TMEM120B: variants seen among roughly 807,000 people sequenced by gnomAD.
TMEM120B encodes transmembrane protein 120B.
TMEM120B carries 31 observed loss-of-function variants against 55.5 expected under a neutral mutation model. That is an observed-to-expected ratio of 0.56 (90% confidence interval 0.42 to 0.75). TMEM120B has a LOEUF of 0.75. Among genes scored for constraint, TMEM120B ranks in the 30% least tolerant of loss-of-function variants. The probability of loss-of-function intolerance (pLI) is 0.00; values close to 1 mark genes in which losing one functional copy is unlikely to be tolerated. For missense variants in TMEM120B, 399 were observed against 425.5 expected, an observed-to-expected ratio of 0.94 and a Z score of 0.55; for synonymous variants, 203 against 176.3, an observed-to-expected ratio of 1.15 and a Z score of -1.20.
In TMEM120B at chr12:121,712,791, G is replaced by C. The variant is rs1028536549; in HGVS notation, c.-105G>C. 2.7e-6 allele frequency: 2 copies of C among 747,338 alleles called. No individual in the cohort carries two copies. The highest frequency in any genetic ancestry group is 3.7e-6 in the Non-Finnish European group (2 of 541,774). The allele number at this position is 747,338 out of a possible 1,614,324, so 46.3% of individuals were successfully genotyped here. ...CTCTGGCTGCGCAGGAACAGCTGGTGCCTCCGAGGGCGGTCGGCGAGCGCG... is the reference window on the plus strand; with the variant it reads ...CTCTGGCTGCGCAGGAACAGCTGGTCCCTCCGAGGGCGGTCGGCGAGCGCG... On this transcript the variant is annotated 5_prime_UTR_variant, in exon 1 of 12. Transcript: ENST00000449592.
chr12:121,717,572 G>C (rs1180100051), intron 1 of TMEM120B, among the ~76,000 whole-genome samples: 1 of 152,166 alleles, frequency 6.6e-6, no homozygotes, highest in Non-Finnish European at 1.5e-5. Flanking sequence ...CAGTGTCTGT[G>C]CTCTTAACTA....
chr12:121,772,220 C>T (rs975520902), intron 8 of TMEM120B, among the ~76,000 whole-genome samples: 34 of 151,754 alleles, frequency 2.2e-4, no homozygotes, highest in African/African-American at 8.2e-4. Context: ...CCTCCGCCTC[C>T]TGGGTTCAAA....
intron 8 of TMEM120B, among the ~76,000 whole-genome samples, chr12:121,772,603 T>G (rs1313196122): frequency 6.6e-6 from 1 of 152,116 alleles, no homozygotes; most frequent in East Asian, 1.9e-4. Context: ...TTTTGTATTT[T>G]GGTAGAGATG....
intron 1 of TMEM120B, among the ~76,000 whole-genome samples, chr12:121,720,163 G>C (rs182434106): frequency 6.6e-6 from 1 of 152,244 alleles, no homozygotes; most frequent in East Asian, 1.9e-4. Context: ...GCAACTTGAT[G>C]GCAGCATCAA....
Position 121,775,385 on chromosome 12 carries a change from A to G in TMEM120B, c.907-224A>G. ...AAGGGCTAGGGGTGGAGCCTCTCCC[A>G]ATCTGTGGATCCCAAGGAGGTTCGC... On this transcript the variant is annotated intron_variant, in intron 11 of 11. Coordinates refer to ENST00000449592, the MANE Select transcript of TMEM120B (RefSeq NM_001080825.2). This position sits in a 1 kb window ranked among gnomAD's most constrained non-coding sequence, Gnocchi z 4.3. The G allele has an allele frequency of 1.0e-6, 1 of 971,942 alleles. No individual in the cohort carries two copies. 60.2% of individuals were successfully genotyped at this position (971,942 alleles called of 1,614,324 possible). A position where few individuals can be genotyped will look rare whatever the true frequency, so the allele number is the denominator to read the frequency against.
At chr12:121,724,480 A>G (rs1401428376) in intron 1 of TMEM120B, among the ~76,000 whole-genome samples, 2 of 149,514 alleles carry the variant, frequency 1.3e-5, no homozygotes, top group East Asian at 2.0e-4. Flanking sequence ...ACCTGGCTGT[A>G]CTATTTCTTA....
chr12:121,769,403 C>T (rs981372321), intron 6 of TMEM120B, among the ~76,000 whole-genome samples: 11 of 152,128 alleles, frequency 7.2e-5, no homozygotes, highest in African/African-American at 2.7e-4. Context: ...GTCATAGCTG[C>T]AGTCCTGTGT....
chr12:121,768,868 G>A (rs1248827726), intron 6 of TMEM120B, among the ~76,000 whole-genome samples: 2 of 152,176 alleles, frequency 1.3e-5, no homozygotes, highest in Non-Finnish European at 2.9e-5. Flanking sequence ...CAGCTGGGCC[G>A]GGTGCAGTGA....
Position 121,780,989 on chromosome 12 carries a change from C to T in TMEM120B, c.*5267C>T, listed in dbSNP as rs766057603. On this transcript the variant is annotated 3_prime_UTR_variant, in exon 12 of 12. Coordinates refer to ENST00000449592, the MANE Select transcript of TMEM120B (RefSeq NM_001080825.2). The stretch of plus-strand genomic sequence containing the variant: ...CCATGGGGATCCCGCGGCAGAAATG[C>T]GTGACCTCAGGGAACCACTGTGGAG... The T allele has an allele frequency of 1.5e-5, 24 of 1,613,600 alleles. 1 individual carries two copies. Among genetic ancestry groups the T allele is most frequent in the East Asian group, 1.3e-4 (6 of 44,878 alleles).
intron 1 of TMEM120B, among the ~76,000 whole-genome samples, chr12:121,722,840 T>A (rs950193596): frequency 7.6e-6 from 1 of 131,798 alleles, no homozygotes; most frequent in African/African-American, 2.7e-5. Flanking sequence ...GGCAGTTTTT[T>A]AAATTTACTT....
Position 121,762,510 on chromosome 12 carries a change from G to T in TMEM120B, c.551+772G>T, listed in dbSNP as rs571870404. 1.2e-4 allele frequency among the ~76,000 whole-genome samples: 18 copies of T among 152,308 alleles called. No individual in the cohort carries two copies. In the South Asian group the frequency reaches 3.5e-3, roughly 30 times the overall value. On this transcript the variant is annotated intron_variant, in intron 6 of 11. Coordinates refer to ENST00000449592, the MANE Select transcript of TMEM120B (RefSeq NM_001080825.2). The stretch of plus-strand genomic sequence containing the variant: ...TATGTCCAGGTGCAGAATGGATCAT[G>T]TACCTATCCCTGAACCAGTCACTGT...
chr12:121,773,436 T>G lies in TMEM120B; in HGVS notation c.695T>G (p.Leu232Arg). The change falls in exon 9 of 12, where the codon CTG becomes CGG. Residue 232 changes from leucine (L) to arginine (R), a missense_variant. By Grantham distance (102) the Leu-to-Arg change is moderately radical. Around this residue, in one of 3 missense-constraint regions of TMEM120B, gnomAD observed 260 missense variants for 303.9 expected, o/e 0.86. Coordinates refer to ENST00000449592, the MANE Select transcript of TMEM120B (RefSeq NM_001080825.2). ...CCCCCTGCAGGCTGCGTCCAGTTCC[T>G]GCAATATTATTACCAGAGGGGCTGC... Reference protein sequence around the residue: ...FSIFQSCVQFLQYYYQRGCLY... With the variant: ...FSIFQSCVQFRQYYYQRGCLY... 1 of 1,611,136 alleles carries G rather than the reference T, an allele frequency of 6.2e-7. No homozygotes were observed. The highest frequency in any genetic ancestry group is 8.5e-7 in the Non-Finnish European group (1 of 1,178,610).
chr12:121,750,977 A>AC (rs1555331709), intron 4 of TMEM120B, among the ~76,000 whole-genome samples: 3 of 6,574 alleles, frequency 4.6e-4, no homozygotes, highest in African/African-American at 8.4e-4. Context: ...CACACCCCAC[A>AC]CCCACACCCC....
At chr12:121,755,316 T>C (rs1488089320) in intron 5 of TMEM120B, among the ~76,000 whole-genome samples, 1 of 151,746 alleles carries the variant, frequency 6.6e-6, no homozygotes, top group African/African-American at 2.4e-5. Flanking sequence ...TCCCTGGGCC[T>C]CTCTGTCTGT....
intron 3 of TMEM120B, among the ~76,000 whole-genome samples, chr12:121,748,658 C>T (rs1351548415): frequency 1.3e-5 from 2 of 152,046 alleles, no homozygotes; most frequent in Non-Finnish European, 2.9e-5. Flanking sequence ...CTGGGAGGTC[C>T]GTTGCAAGGA....
intron 1 of TMEM120B, among the ~76,000 whole-genome samples, chr12:121,718,071 C>G (rs1388310430): frequency 2.0e-5 from 3 of 152,180 alleles, no homozygotes; most frequent in Non-Finnish European, 4.4e-5. Flanking sequence ...GGTGAGCCAC[C>G]TCTCTCAGGT....
intron 1 of TMEM120B, among the ~76,000 whole-genome samples, chr12:121,742,843 G>T (rs1278736560): frequency 6.6e-6 from 1 of 152,202 alleles, no homozygotes; most frequent in Non-Finnish European, 1.5e-5. Context: ...CCAAAGTGCT[G>T]GGATTACAGG....
chr12:121,750,642 TGCGAA>T (rs1873254545), intron 4 of TMEM120B, among the ~76,000 whole-genome samples: 1 of 58,774 alleles, frequency 1.7e-5, no homozygotes, highest in African/African-American at 7.4e-5. Context: ...CACCCCACAC[TGCGAA>T]CCCACACCCA....
chr12:121,758,302 C>A lies in TMEM120B; in HGVS notation c.462-3347C>A, dbSNP rs1024765172. The A allele has an allele frequency of 1.2e-5, 12 of 985,506 alleles. No homozygotes were observed. In the Admixed American group the frequency reaches 3.1e-4, roughly 25 times the overall value. The allele number at this position is 985,506 out of a possible 1,614,324, so 61.0% of individuals were successfully genotyped here. A position where few individuals can be genotyped will look rare whatever the true frequency, so the allele number is the denominator to read the frequency against. On this transcript the variant is annotated intron_variant, in intron 5 of 11. Transcript: ENST00000449592. ...GCCAGTGGGGCTCTGATAATCCCCA[C>A]ACAGCGGTCTGCCGGCCCTCCATGC... is the stretch of plus-strand genomic sequence containing the variant.
Sources: gnomAD v4.1 joint callset for allele counts (sites outside exome capture counted in the v4.1 genomes callset) on GRCh38, gnomAD v4.1.1 for gene constraint, gnomAD v4.1.1 regional missense constraint, Gnocchi (gnomAD v3.1) non-coding constraint, MANE v1.5 for transcripts, NCBI Gene and HGNC (gene_info 2026-07-23, HGNC 2026-07-21) for gene names.